The following DNAJC11 variants were observed in gnomAD, a reference collection of about 807,000 sequenced individuals.
DNAJC11 encodes dnaJ homolog subfamily C member 11.
In DNAJC11, 15 loss-of-function variants were observed where a neutral mutation model predicts 78.6. The ratio of observed to expected loss-of-function variants is 0.19; its 90% CI spans 0.13 to 0.29. The LOEUF (loss-of-function observed/expected upper bound fraction) is 0.29, where lower values mean the gene tolerates loss of function less well. Among genes scored for constraint, DNAJC11 ranks in the 10% least tolerant of loss-of-function variants. The pLI is 1.00. For missense variants in DNAJC11, 547 were observed against 709.6 expected (o/e 0.77, Z 2.60); for synonymous variants, 292 against 272.1 (o/e 1.07, Z -0.72).
At chr1:6,660,766 T>C (rs564115864) in intron 4 of DNAJC11, among the ~76,000 whole-genome samples, 1 of 152,332 alleles carries the variant, frequency 6.6e-6, no homozygotes, top group South Asian at 2.1e-4. Context: ...TTTAATCCCT[T>C]CATTCTTGTT....
At position 6,680,694 on chromosome 1, in the gene DNAJC11, G is replaced by T. The variant is rs1642538164; in HGVS notation, c.202+214C>A. The stretch of plus-strand genomic sequence containing the variant: ...CAATTGAGACTCTGTCTATTACCTC[G>T]CCCGGTCTCTCATTTTCTACTTACT... On this transcript the variant is annotated intron_variant, in intron 2 of 15. Coordinates refer to ENST00000377577, the MANE Select transcript of DNAJC11 (RefSeq NM_018198.4). This position sits in a 1 kb window ranked among gnomAD's most constrained non-coding sequence, Gnocchi z 4.0. Among the ~76,000 whole-genome samples the T allele has an allele frequency of 6.6e-6, 1 of 152,018 alleles. No homozygotes were observed. The highest frequency in any genetic ancestry group is 2.4e-5 in the African/African-American group (1 of 41,382).
Position 6,701,600 on chromosome 1 carries a change from C to T in DNAJC11, c.72+129G>A. The T allele has an allele frequency of 1.8e-5, 17 of 925,882 alleles. 1 individual carries two copies. In the South Asian group the frequency reaches 2.5e-4, roughly 14 times the overall value. The allele number at this position is 925,882 out of a possible 1,614,324, so 57.4% of individuals were successfully genotyped here. A position where few individuals can be genotyped will look rare whatever the true frequency, so the allele number is the denominator to read the frequency against. ...ATCGGGCGGCTGGCGTGCACGTCGC[C>T]GGGGTCACGCGGCCTCCCCGACGGA... On this transcript the variant is annotated intron_variant, in intron 1 of 15. Transcript: ENST00000377577.
chr1:6,640,606 C>A (rs575639694), intron 10 of DNAJC11, among the ~76,000 whole-genome samples: 3 of 151,886 alleles, frequency 2.0e-5, no homozygotes, highest in Non-Finnish European at 2.9e-5. Flanking sequence ...CTGAGGTGGG[C>A]GAATCACCTG....
chr1:6,640,810 G>A (rs892982239), intron 10 of DNAJC11, among the ~76,000 whole-genome samples: 10 of 152,092 alleles, frequency 6.6e-5, no homozygotes, highest in African/African-American at 2.4e-4. Flanking sequence ...AGAGGAAAAG[G>A]ACTGAGGATG....
intron 1 of DNAJC11, among the ~76,000 whole-genome samples, chr1:6,693,318 C>A (rs927609705): frequency 2.6e-5 from 4 of 152,144 alleles, no homozygotes; most frequent in African/African-American, 7.2e-5. Flanking sequence ...ATGAAGCATA[C>A]CAAGTATGTC....
Position 6,645,826 on chromosome 1 carries a change from C to G in DNAJC11, c.857G>C (p.Arg286Pro). The G allele has an allele frequency of 6.2e-7, 1 of 1,614,176 alleles. No homozygotes were observed. Among genetic ancestry groups the G allele is most frequent in the Non-Finnish European group, 8.5e-7 (1 of 1,180,026 alleles). Residue 286 changes from arginine (R) to proline (P), a missense_variant, in exon 8 of 16, where the codon CGA (arginine) becomes CCA (proline). Transcript: ENST00000377577. The surrounding 1 kb of genome is among the most constrained non-coding windows in gnomAD (Gnocchi z 4.1). Reference sequence around the variant, plus strand: ...AGTGAAGTGGCTGGTTTTAGTGTCTCGGACGATGCTAGTGTTCATGGCTGA... The same window carrying G: ...AGTGAAGTGGCTGGTTTTAGTGTCTGGGACGATGCTAGTGTTCATGGCTGA... ...IQSAMNTSIV[R>P]DTKTSHFTVA...
At chr1:6,656,049 C>T (rs1231750190) in intron 4 of DNAJC11, among the ~76,000 whole-genome samples, 1 of 141,462 alleles carries the variant, frequency 7.1e-6, no homozygotes, top group South Asian at 2.2e-4. Flanking sequence ...TTGCAGTGAG[C>T]CAAGATTGTG....
intron 12 of DNAJC11, chr1:6,637,933 C>T (rs938975646): frequency 1.3e-5 from 5 of 380,516 alleles, no homozygotes; most frequent in East Asian, 5.1e-5. Flanking sequence ...ATAGCTGTGC[C>T]GCCCCCTCAG....
chr1:6,651,674 T>C (rs1642056679), intron 6 of DNAJC11, 72 bp from the exon 7 acceptor site: 1 of 1,109,836 alleles, frequency 9.0e-7, no homozygotes, highest in Non-Finnish European at 1.4e-6. Context: ...CTCAGGTATG[T>C]ACCTCTAGGT....
At chr1:6,648,560 G>A (rs564206655) in intron 7 of DNAJC11, among the ~76,000 whole-genome samples, 15 of 151,952 alleles carry the variant, frequency 9.9e-5, no homozygotes, top group Non-Finnish European at 1.8e-4. Flanking sequence ...GGCCTCAAGC[G>A]ATCCTCCCAC....
intron 1 of DNAJC11, among the ~76,000 whole-genome samples, chr1:6,690,936 A>G (rs1383795072): frequency 7.2e-5 from 11 of 152,196 alleles, no homozygotes; most frequent in Admixed American, 6.5e-5. Context: ...TCCTACAGCC[A>G]TTTTAGGTTT....
chr1:6,691,106 T>G (rs1407581324), intron 1 of DNAJC11, among the ~76,000 whole-genome samples: 2 of 142,858 alleles, frequency 1.4e-5, no homozygotes, highest in East Asian at 4.1e-4. Context: ...GGAAAAAACT[T>G]ACAAAACACA....
intron 1 of DNAJC11, among the ~76,000 whole-genome samples, chr1:6,700,566 A>C (rs1319250934): frequency 1.3e-5 from 2 of 152,200 alleles, no homozygotes; most frequent in Non-Finnish European, 2.9e-5. Flanking sequence ...GACTTTAGAC[A>C]CACTACTTAA....
intron 4 of DNAJC11, among the ~76,000 whole-genome samples, chr1:6,659,218 G>A (rs553553560): frequency 5.9e-5 from 9 of 152,106 alleles, no homozygotes; most frequent in South Asian, 2.1e-4. Context: ...TTCACATTGG[G>A]GAAATGGAAT....
chr1:6,644,250 C>T lies in DNAJC11; in HGVS notation c.1097+308G>A, dbSNP rs527461885. Among the ~76,000 whole-genome samples, 78 of 152,276 alleles carry T rather than the reference C, an allele frequency of 5.1e-4. 1 individual carries two copies. The highest frequency in any genetic ancestry group is 1.5e-3 in the African/African-American group (61 of 41,560). ...TCGGGTTCAAGCAATTCTCCTGCCT[C>T]GGCCTCCCAAATAGCTGGGATTATA... On this transcript the variant is annotated intron_variant, in intron 10 of 15. Transcript: ENST00000377577.
Position 6,680,793 on chromosome 1 carries a change from C to T in DNAJC11, c.202+115G>A. The stretch of plus-strand genomic sequence containing the variant: ...TGTCAGTGAAAAGTACTAAACTAAC[C>T]ACCTGTTTTATATACCTCTAAGGAC... On this transcript the variant is annotated intron_variant, in intron 2 of 15. Transcript: ENST00000377577. The surrounding 1 kb of genome is among the most constrained non-coding windows in gnomAD (Gnocchi z 4.0). 7.7e-7 allele frequency: 1 copy of T among 1,302,622 alleles called. No homozygotes were observed. The highest frequency in any genetic ancestry group is 1.0e-6 in the Non-Finnish European group (1 of 952,510). 80.7% of individuals were successfully genotyped at this position (1,302,622 alleles called of 1,614,324 possible).
chr1:6,653,950 C>A lies in DNAJC11; in HGVS notation c.468G>T (p.Gln156His). 1 of 1,613,388 alleles carries A rather than the reference C, an allele frequency of 6.2e-7. No individual in the cohort carries two copies. Among genetic ancestry groups the A allele is most frequent in the Non-Finnish European group, 8.5e-7 (1 of 1,179,490 alleles). ...ATATGTGCATTTTATTAATTTCAAT[C>A]TGCGGAAAGCTACTGCCGGACACAT... The part of the protein sequence containing the change: ...YEDVSGSSFP[Q>H]IEINKMHISQ... The change falls in exon 5 of 16, where the codon CAG becomes CAT. Residue 156 changes from glutamine to histidine, a missense_variant. Physicochemically the swap from Gln to His is conservative, Grantham distance 24. Transcript: ENST00000377577. The surrounding 1 kb of genome is among the most constrained non-coding windows in gnomAD (Gnocchi z 4.5).
At chr1:6,666,385 C>CTTTTTTT (rs767579276) in intron 4 of DNAJC11, among the ~76,000 whole-genome samples, 22 of 120,612 alleles carry the variant, frequency 1.8e-4, no homozygotes, top group African/African-American at 6.5e-4. Context: ...TCTTTCTTTT[C>CTTTTTTT]TTTTTTTTTT....
At chr1:6,649,044 G>A (rs556626675) in intron 7 of DNAJC11, among the ~76,000 whole-genome samples, 75 of 152,202 alleles carry the variant, frequency 4.9e-4, no homozygotes, top group African/African-American at 1.7e-3. Context: ...CTAGGCTGGG[G>A]TACAGTGGTG....
Sources: gnomAD v4.1 joint callset for allele counts (sites outside exome capture counted in the v4.1 genomes callset) on GRCh38, gnomAD v4.1.1 for gene constraint, Gnocchi (gnomAD v3.1) non-coding constraint, MANE v1.5 for transcripts, NCBI Gene and HGNC (gene_info 2026-07-23, HGNC 2026-07-21) for gene names.